The following FABP6 variants were observed in gnomAD, a reference collection of about 807,000 sequenced individuals.
FABP6 encodes the protein fatty acid binding protein 6.
Under a neutral mutation model 14.9 loss-of-function variants are expected in FABP6, and 13 were observed. The observed-to-expected ratio is 0.87, with a 90% CI of 0.57 to 1.39. FABP6 has a LOEUF of 1.39. Among genes scored for constraint, FABP6 ranks in the 40% most tolerant of loss-of-function variants. FABP6 has a pLI of 0.00. For synonymous variants in FABP6, 75 were observed against 63.6 expected, an observed-to-expected ratio of 1.18 and a Z score of -0.85; for missense variants, 161 against 167.2, an observed-to-expected ratio of 0.96 and a Z score of 0.20.
chr5:160,193,681 C>T (rs1277413326), intron 1 of FABP6, among the ~76,000 whole-genome samples: 4 of 152,194 alleles, frequency 2.6e-5, no homozygotes, highest in African/African-American at 9.7e-5. Flanking sequence ...GATTGGTGCA[C>T]TCACAAACCC....
At chr5:160,219,707 T>C (rs1024743180) in intron 3 of FABP6, among the ~76,000 whole-genome samples, 4 of 152,006 alleles carry the variant, frequency 2.6e-5, no homozygotes, top group African/African-American at 4.8e-5. Context: ...GCTCTGACCG[T>C]GCAGAAGGAA....
intron 1 of FABP6, among the ~76,000 whole-genome samples, chr5:160,230,100 C>G (rs56298079): frequency 3.3e-5 from 5 of 150,778 alleles, no homozygotes; most frequent in African/African-American, 1.2e-4. Context: ...CCAGGCTGGT[C>G]TTGAACTCCT....
rs531032895 is a variant in FABP6, at chr5:160,210,687, T to C, written c.52-3049T>C. ...CACAGGAGCAGCCACGTCTCAGCCT[T>C]CTCAGAATGTCCAATCCTTTTCATA... On this transcript the variant is annotated intron_variant, in intron 2 of 6. Coordinates refer to the FABP6 transcript ENST00000393980. Among the ~76,000 whole-genome samples, 3 of 152,342 alleles carry C rather than the reference T, an allele frequency of 2.0e-5. No individual in the cohort carries two copies. In the South Asian group the frequency reaches 6.2e-4, roughly 32 times the overall value.
rs563628396 is a variant in FABP6, at chr5:160,206,823, C to T, written c.52-6913C>T. The stretch of plus-strand genomic sequence containing the variant: ...CACTGAGGAGTGAGGAGGTCAAGTC[C>T]AGGGTGGCTTGGACATGCACGGCAG... On this transcript the variant is annotated intron_variant, in intron 2 of 6. Transcript: ENST00000393980. Among the ~76,000 whole-genome samples the T allele has an allele frequency of 2.0e-5, 3 of 152,258 alleles. No individual in the cohort carries two copies. In the South Asian group the frequency reaches 6.2e-4, roughly 32 times the overall value.
At chr5:160,231,723 C>T (rs986675132) in intron 1 of FABP6, among the ~76,000 whole-genome samples, 4 of 152,120 alleles carry the variant, frequency 2.6e-5, no homozygotes, top group African/African-American at 7.2e-5. Context: ...TCCAGAACTT[C>T]GCGAGCTTGG....
intron 2 of FABP6, among the ~76,000 whole-genome samples, chr5:160,233,332 G>A (rs916259270): frequency 1.3e-5 from 2 of 152,064 alleles, no homozygotes; most frequent in Admixed American, 1.3e-4. Context: ...TAAAGACACT[G>A]GGCCCTGGAG....
intron 1 of FABP6, among the ~76,000 whole-genome samples, chr5:160,194,548 T>A (rs1383940797): frequency 6.6e-6 from 1 of 151,686 alleles, no homozygotes; most frequent in Non-Finnish European, 1.5e-5. Context: ...CTCAAAAAAA[T>A]TAAATAAATA....
At chr5:160,204,166 G>T (rs940229566) in intron 2 of FABP6, among the ~76,000 whole-genome samples, 1 of 150,400 alleles carries the variant, frequency 6.6e-6, no homozygotes, top group Non-Finnish European at 1.5e-5. Context: ...AATACCCACA[G>T]GGTTCTTGCT....
At chr5:160,213,381 C>T (rs1411625203) in intron 2 of FABP6, among the ~76,000 whole-genome samples, 1 of 152,156 alleles carries the variant, frequency 6.6e-6, no homozygotes, top group Non-Finnish European at 1.5e-5. Flanking sequence ...ATATTCTATG[C>T]CCAGGGAAAT....
intron 2 of FABP6, among the ~76,000 whole-genome samples, chr5:160,232,558 C>A (rs1760415150): frequency 6.6e-6 from 1 of 152,152 alleles, no homozygotes; most frequent in Non-Finnish European, 1.5e-5. Flanking sequence ...GAAATTGCTA[C>A]AATTACTCTC....
chr5:160,234,103 C>T (rs183806175), intron 2 of FABP6, among the ~76,000 whole-genome samples: 1 of 152,226 alleles, frequency 6.6e-6, no homozygotes. Flanking sequence ...GTAAGTCTGC[C>T]TTTCTTCATG....
At chr5:160,187,939 G>A (rs9313837) in intron 1 of FABP6, among the ~76,000 whole-genome samples, 138,428 of 151,936 alleles carry the variant, frequency 0.91, 63,193 homozygotes, top group African/African-American at 0.94. Flanking sequence ...TTTAGTAGAG[G>A]CAGGGTTTCT....
chr5:160,215,271 T>A (rs56280754), intron 3 of FABP6, among the ~76,000 whole-genome samples: 59,549 of 152,016 alleles, frequency 0.39, 11,844 homozygotes, highest in Non-Finnish European at 0.42. Flanking sequence ...CCCGGCACTT[T>A]GGGAGGACAA....
chr5:160,201,644 A>G (rs563061594), intron 2 of FABP6, among the ~76,000 whole-genome samples: 121 of 151,876 alleles, frequency 8.0e-4, no homozygotes, highest in African/African-American at 2.8e-3. Flanking sequence ...TCCCCTTCTC[A>G]TTTCTCACCC....
chr5:160,228,640 C>A (rs1363912568), upstream of FABP6: 4 of 429,050 alleles, frequency 9.3e-6, no homozygotes, highest in African/African-American at 8.1e-5. Context: ...CAGCATCCAG[C>A]CCAGTGCCTG....
At chr5:160,237,747 T>C (rs1314342873) in intron 3 of FABP6, among the ~76,000 whole-genome samples, 1 of 152,144 alleles carries the variant, frequency 6.6e-6, no homozygotes, top group African/African-American at 2.4e-5. Flanking sequence ...ATTCTACAGG[T>C]ATGCTCTCCC....
intron 1 of FABP6, chr5:160,195,749 C>T (rs570785538): frequency 6.6e-6 from 1 of 152,212 alleles, no homozygotes; most frequent in Admixed American, 6.5e-5. Flanking sequence ...CTATTTTTTC[C>T]TTTATTATTA....
chr5:160,216,401 G>C (rs1277155656), intron 3 of FABP6, among the ~76,000 whole-genome samples: 1 of 151,932 alleles, frequency 6.6e-6, no homozygotes, highest in Non-Finnish European at 1.5e-5. Flanking sequence ...CTGAGTAGCT[G>C]GGATTACAGG....
intron 2 of FABP6, among the ~76,000 whole-genome samples, chr5:160,210,919 T>C (rs6556481): frequency 0.9 from 136,911 of 152,192 alleles, 61,696 homozygotes; most frequent in Non-Finnish European, 0.92. Context: ...GGTTTGCCAG[T>C]GGCAGGAGAG....
Sources: gnomAD v4.1 joint callset for allele counts (sites outside exome capture counted in the v4.1 genomes callset) on GRCh38, gnomAD v4.1.1 for gene constraint, MANE v1.5 for transcripts, NCBI Gene and HGNC (gene_info 2026-07-23, HGNC 2026-07-21) for gene names.